ZNF286A: variants seen among roughly 807,000 people sequenced by gnomAD.
ZNF286A encodes the protein zinc finger protein ZNF286.
ZNF286A carries 34 observed loss-of-function variants against 49.3 expected under a neutral mutation model. The ratio of observed to expected loss-of-function variants is 0.69; its 90% CI spans 0.52 to 0.92. ZNF286A has a LOEUF of 0.92. Ranked by LOEUF, ZNF286A falls within the 40% of genes least tolerant of loss-of-function variation. The pLI is 0.00. For missense variants in ZNF286A, 462 were observed against 600.2 expected (o/e 0.77, Z 2.41); for synonymous variants, 155 against 200.4 (o/e 0.77, Z 1.91).
At chr17:15,712,498 C>T (rs1403439518) in intron 5 of ZNF286A, among the ~76,000 whole-genome samples, 3 of 152,286 alleles carry the variant, frequency 2.0e-5, no homozygotes, top group Admixed American at 1.3e-4. Context: ...TTCCCATCTC[C>T]CCAACAGCAT....
At chr17:15,715,666 C>G (rs551255878) in intron 5 of ZNF286A, among the ~76,000 whole-genome samples, 14 of 152,088 alleles carry the variant, frequency 9.2e-5, no homozygotes, top group African/African-American at 3.1e-4. Flanking sequence ...AATTTAGAAG[C>G]CATAACTGTA....
At position 15,717,047 on chromosome 17, in the gene ZNF286A, T is replaced by C. The variant is rs1347319171; in HGVS notation, c.1323T>C (p.Asn441=). The C allele has an allele frequency of 6.2e-6, 10 of 1,614,032 alleles. No individual in the cohort carries two copies. Among genetic ancestry groups the C allele is most frequent in the Non-Finnish European group, 8.5e-6 (10 of 1,180,046 alleles). Residue 441 remains asparagine, a synonymous_variant, in exon 6 of 6, where the codon AAT becomes AAC. Coordinates refer to ENST00000583566, the MANE Select transcript of ZNF286A (RefSeq NM_001130842.2). The part of the protein sequence containing the change: ...IHTGEKPYEC[N]ECGKTFSRSS... The stretch of plus-strand genomic sequence containing the variant: ...CTGGAGAGAAACCCTATGAGTGTAA[T>C]GAATGTGGGAAAACCTTCAGCCGGA...
chr17:15,706,586 C>T, intron 4 of ZNF286A, 85 bp downstream of exon 4: 1 of 1,037,456 alleles, frequency 9.6e-7, no homozygotes, highest in Non-Finnish European at 1.4e-6. Flanking sequence ...AAGCCTTCAC[C>T]TTTGCATTCA....
intron 3 of ZNF286A, chr17:15,704,228 C>T (rs1990015138): frequency 1.9e-6 from 3 of 1,589,710 alleles, no homozygotes; most frequent in Admixed American, 1.7e-5. Flanking sequence ...AGGAAGAGAG[C>T]CCACTACAGC....
intron 5 of ZNF286A, among the ~76,000 whole-genome samples, chr17:15,711,711 A>G (rs866549437): frequency 6.6e-6 from 1 of 152,300 alleles, no homozygotes; most frequent in African/African-American, 2.4e-5. Context: ...AAATGCATAC[A>G]TGAATGGGTA....
rs769116482 is a variant in ZNF286A, at chr17:15,717,930, A to ATTTTTTTTTTTTTTTTTTT, written c.*643_*661dup. 1 of 97,006 alleles carries ATTTTTTTTTTTTTTTTTTT rather than the reference A, an allele frequency of 1.0e-5. No homozygotes were observed. The highest frequency in any genetic ancestry group is 4.4e-5 in the African/African-American group (1 of 22,662). 6.0% of individuals were successfully genotyped at this position (97,006 alleles called of 1,614,324 possible). On this transcript the variant is annotated 3_prime_UTR_variant, in exon 6 of 6. Coordinates refer to ENST00000583566, the MANE Select transcript of ZNF286A (RefSeq NM_001130842.2). Reference sequence around the variant, plus strand: ...TTCACATGGATTATGTACATCATTGATTTTTTTTTTTTTTTTTTTTTGAGA... The same window carrying ATTTTTTTTTTTTTTTTTTT: ...TTCACATGGATTATGTACATCATTGATTTTTTTTTTTTTTTTTTTTTTTTTTTTTTTTTTTTTTTTGAGA...
intron 5 of ZNF286A, among the ~76,000 whole-genome samples, chr17:15,714,563 T>G (rs1966927992): frequency 6.6e-6 from 1 of 152,176 alleles, no homozygotes; most frequent in South Asian, 2.1e-4. Flanking sequence ...TTGCTATCAT[T>G]CCTTGCAAGA....
chr17:15,716,028 G>T (rs142019755), intron 5 of ZNF286A, 31 bp from the exon 6 acceptor site: 3 of 1,613,584 alleles, frequency 1.9e-6, no homozygotes, highest in Admixed American at 1.7e-5. Context: ...CACAGAAAAC[G>T]AAGGAAATTT....
intron 5 of ZNF286A, among the ~76,000 whole-genome samples, chr17:15,715,663 A>G (rs531151307): frequency 6.6e-6 from 1 of 152,248 alleles, no homozygotes; most frequent in South Asian, 2.1e-4. Flanking sequence ...GAAAATTTAG[A>G]AGCCATAACT....
rs550712355 is a variant in ZNF286A, at chr17:15,702,204, T to C, written c.126+964T>C. The stretch of plus-strand genomic sequence containing the variant: ...TTGCATTCATCTTTCAACTTTTGTA[T>C]GTTTGAAACTTTTATTAAAAGAAGT... On this transcript the variant is annotated intron_variant, in intron 3 of 5. Coordinates refer to ENST00000583566, the MANE Select transcript of ZNF286A (RefSeq NM_001130842.2). Among the ~76,000 whole-genome samples, 35 of 151,816 alleles carry C rather than the reference T, an allele frequency of 2.3e-4. No homozygotes were observed. The East Asian group carries it at 4.3e-3, about 19-fold the overall frequency.
intron 3 of ZNF286A, chr17:15,704,701 C>T: frequency 6.2e-7 from 1 of 1,613,850 alleles, no homozygotes; most frequent in Non-Finnish European, 8.5e-7. Context: ...GAAGTCCTTC[C>T]CCAGCAGGAG....
intron 5 of ZNF286A, chr17:15,711,341 A>G (rs988844624): frequency 4.6e-5 from 7 of 151,972 alleles, no homozygotes; most frequent in African/African-American, 1.7e-4. Flanking sequence ...TTTTCTTTAG[A>G]TTCTTAATCC....
intron 3 of ZNF286A, chr17:15,705,029 C>G (rs890650731): frequency 3.6e-6 from 2 of 549,100 alleles, no homozygotes; most frequent in Non-Finnish European, 5.7e-6. Context: ...CTCCGCTCCC[C>G]GCTGCCTCTG....
At chr17:15,706,246 C>G (rs759819197) in intron 3 of ZNF286A, 141 bp from the exon 4 acceptor site, 10 of 646,578 alleles carry the variant, frequency 1.5e-5, no homozygotes, top group Non-Finnish European at 2.8e-5. Context: ...AATCTGACGA[C>G]CATTAGAATA....
At chr17:15,711,859 TGCC>T (rs1990674245) in intron 5 of ZNF286A, among the ~76,000 whole-genome samples, 1 of 83,218 alleles carries the variant, frequency 1.2e-5, no homozygotes, top group Non-Finnish European at 2.4e-5. Context: ...ATCTGTAATC[TGCC>T]CCCCCCCCGG....
intron 3 of ZNF286A, among the ~76,000 whole-genome samples, chr17:15,702,220 T>C (rs1989831916): frequency 6.6e-6 from 1 of 151,024 alleles, no homozygotes; most frequent in African/African-American, 2.4e-5. Context: ...AAACTTTTAT[T>C]AAAAGAAGTT....
chr17:15,716,871 A>G lies in ZNF286A; in HGVS notation c.1147A>G (p.Lys383Glu). Residue 383 changes from lysine (K) to glutamate (E), a missense_variant, in exon 6 of 6, where the codon AAA becomes GAA. Around this residue, in one of 3 missense-constraint regions of ZNF286A, gnomAD observed 201 missense variants for 311.3 expected, o/e 0.65. Transcript: ENST00000583566. ...AACTCATACTGGAGAGAAACCTTAT[A>G]AATGTCAAGAATGTGGGAAAGCCTT... ...QRTHTGEKPY[K>E]CQECGKAFSH... The G allele has an allele frequency of 6.2e-7, 1 of 1,608,514 alleles. No individual in the cohort carries two copies. Among genetic ancestry groups the G allele is most frequent in the Non-Finnish European group, 8.5e-7 (1 of 1,177,120 alleles).
Position 15,718,901 on chromosome 17 carries a change from T to C in ZNF286A, c.*1611T>C, listed in dbSNP as rs1597740854. 1 of 137,460 alleles carries C rather than the reference T, an allele frequency of 7.3e-6. No homozygotes were observed. Among genetic ancestry groups the C allele is most frequent in the African/African-American group, 2.9e-5 (1 of 34,414 alleles). 8.5% of individuals were successfully genotyped at this position (137,460 alleles called of 1,614,324 possible). On this transcript the variant is annotated 3_prime_UTR_variant, in exon 6 of 6. Transcript: ENST00000583566. Reference sequence around the variant, plus strand: ...GCAAAAGGCAAAGCCAGAGCAGGTATCTTCACAGGGCTAGAGCAAGAGGAA... The same window carrying C: ...GCAAAAGGCAAAGCCAGAGCAGGTACCTTCACAGGGCTAGAGCAAGAGGAA...
chr17:15,705,599 C>T (rs1229348569), intron 3 of ZNF286A, among the ~76,000 whole-genome samples: 1 of 151,736 alleles, frequency 6.6e-6, no homozygotes, highest in East Asian at 1.9e-4. Flanking sequence ...TTGAAATTTA[C>T]TTTGTTACTT....
Sources: gnomAD v4.1 joint callset for allele counts (sites outside exome capture counted in the v4.1 genomes callset) on GRCh38, gnomAD v4.1.1 for gene constraint, gnomAD v4.1.1 regional missense constraint, MANE v1.5 for transcripts, NCBI Gene and HGNC (gene_info 2026-07-23, HGNC 2026-07-21) for gene names.